The following PSMD6 variants were observed in gnomAD, a reference collection of about 807,000 sequenced individuals.
PSMD6 encodes the protein 26S proteasome non-ATPase regulatory subunit 6.
PSMD6 carries 7 observed loss-of-function variants against 44.9 expected under a neutral mutation model. The observed-to-expected ratio is 0.16, with a 90% CI of 0.09 to 0.29. PSMD6 has a LOEUF of 0.29. Ranked by LOEUF, PSMD6 falls within the 10% of genes least tolerant of loss-of-function variation. The probability of loss-of-function intolerance (pLI) is 1.00; values close to 1 mark genes in which losing one functional copy is unlikely to be tolerated. For missense variants in PSMD6, 420 were observed against 482.6 expected (o/e 0.87, Z 1.21); for synonymous variants, 184 against 172.7 (o/e 1.07, Z -0.51).
intron 6 of PSMD6, chr3:64,011,168 CAGATAGATAGAAAGTAGATCAA>C: frequency 2.3e-6 from 1 of 426,940 alleles, no homozygotes; most frequent in Non-Finnish European, 4.1e-6. Flanking sequence ...AGTTCATATT[CAGATAGATAGAAAGTAGATCAA>C]ACAATGAAAC....
At chr3:64,011,104 C>G (rs2075935544) in intron 6 of PSMD6, 149 bp from the exon 7 acceptor site, 1 of 604,570 alleles carries the variant, frequency 1.7e-6, no homozygotes, top group East Asian at 2.8e-5. Context: ...GACGTTGTCC[C>G]TCCTATACTG....
chr3:64,021,806 C>T (rs1200639309), intron 2 of PSMD6, among the ~76,000 whole-genome samples: 1 of 143,068 alleles, frequency 7.0e-6, no homozygotes, highest in African/African-American at 2.6e-5. Flanking sequence ...AGTGAAACTC[C>T]GTCTCAAAAA....
Position 64,023,423 on chromosome 3 carries a change from G to A in PSMD6, c.-4C>T, listed in dbSNP as rs1302825190. On this transcript the variant is annotated 5_prime_UTR_variant, in exon 1 of 8. Transcript: ENST00000295901. ...CCTCCAGGTTCTCCAGCGGCATCGC[G>A]GCGAAGGGGACAGCGGCTGACAGGA... The A allele has an allele frequency of 2.5e-6, 4 of 1,596,586 alleles. No individual in the cohort carries two copies. The highest frequency in any genetic ancestry group is 2.2e-5 in the South Asian group (2 of 90,130).
At chr3:64,023,651 T>G (rs1009922532), upstream of PSMD6, 1 of 1,445,920 alleles carries the variant, frequency 6.9e-7, no homozygotes, top group Non-Finnish European at 9.1e-7. Flanking sequence ...CCCTGCGGAG[T>G]CCCAGAGTGG....
At chr3:64,014,246 ACAAATATAAATTATTTT>A (rs2076009341) in intron 5 of PSMD6, 2 of 152,304 alleles carry the variant, frequency 1.3e-5, no homozygotes, top group South Asian at 4.1e-4. Flanking sequence ...AGCAATCCAC[ACAAATATAAATTATTTT>A]ACTGAATAAC....
chr3:64,017,804 A>G (rs984367486), intron 5 of PSMD6: 1 of 152,228 alleles, frequency 6.6e-6, no homozygotes, highest in Non-Finnish European at 1.5e-5. Context: ...AAAGCTATCT[A>G]TTTAACCAAA....
chr3:64,016,678 G>A (rs1163932652), intron 5 of PSMD6: 1 of 152,134 alleles, frequency 6.6e-6, no homozygotes, highest in Admixed American at 6.6e-5. Context: ...CAAAAAGACA[G>A]AAAATAGTAA....
At chr3:64,023,708 C>T, upstream of PSMD6, 1 of 1,482,254 alleles carries the variant, frequency 6.7e-7, no homozygotes, top group East Asian at 2.5e-5. Context: ...CTTTCTCACT[C>T]CCTTTTTAGC....
rs775153084 is a variant in PSMD6 at position 64,023,454 on chromosome 3, C to T, written c.-35G>A. On this transcript the variant is annotated 5_prime_UTR_variant, in exon 1 of 8. Transcript: ENST00000295901. The stretch of plus-strand genomic sequence containing the variant: ...GGGGACAGCGGCTGACAGGACACAA[C>T]TTGGTTACGACCGGCTGCGGCAGCG... The T allele has an allele frequency of 1.3e-6, 2 of 1,553,358 alleles. No homozygotes were observed. Among genetic ancestry groups the T allele is most frequent in the South Asian group, 2.3e-5 (2 of 86,398 alleles).
chr3:64,021,323 T>G (rs1186910074), intron 2 of PSMD6, among the ~76,000 whole-genome samples: 2 of 152,154 alleles, frequency 1.3e-5, no homozygotes, highest in East Asian at 3.8e-4. Context: ...TTTATGTATG[T>G]TGGCATGGAA....
chr3:64,023,484 C>T lies in PSMD6; in HGVS notation c.-65G>A, dbSNP rs1423746007. ...TTACGACCGGCTGCGGCAGCGGAAG[C>T]GGGAGGAGTCGGCGAATACGCCCGG... On this transcript the variant is annotated 5_prime_UTR_variant, in exon 1 of 8. Transcript: ENST00000295901. 9 of 1,483,652 alleles carry T rather than the reference C, an allele frequency of 6.1e-6. No individual in the cohort carries two copies. Among genetic ancestry groups the T allele is most frequent in the Non-Finnish European group, 6.3e-6 (7 of 1,109,956 alleles). 91.9% of individuals were successfully genotyped at this position (1,483,652 alleles called of 1,614,324 possible).
chr3:64,016,215 G>A (rs1354432837), intron 5 of PSMD6: 1 of 151,622 alleles, frequency 6.6e-6, no homozygotes. Context: ...ATAAATAAAA[G>A]GTCTACAAGG....
At chr3:64,017,483 G>A (rs926490567) in intron 5 of PSMD6, 12 of 152,124 alleles carry the variant, frequency 7.9e-5, no homozygotes, top group African/African-American at 2.9e-4. Context: ...AAGCAGGGAA[G>A]GGCTCCATAT....
At position 64,018,705 on chromosome 3, in the gene PSMD6, G is replaced by T; in HGVS notation, c.720C>A (p.Val240=). The T allele has an allele frequency of 6.3e-7, 1 of 1,580,518 alleles. No homozygotes were observed. Among genetic ancestry groups the T allele is most frequent in the South Asian group, 1.1e-5 (1 of 88,426 alleles). The change falls in exon 5 of 8, where the codon GTC becomes GTA. Residue 240 remains valine (V), a splice_region_variant and synonymous_variant. Transcript: ENST00000295901. ...ALERPDLREK[V]IKGAEILEVL... ...CTTCAAGAATCTCTGCTCCTTTAAT[G>T]ACCTAGGTATTTTAAAAAACATATA...
chr3:64,021,418 T>A (rs1319323660), intron 2 of PSMD6, among the ~76,000 whole-genome samples: 3 of 151,930 alleles, frequency 2.0e-5, no homozygotes, highest in South Asian at 4.1e-4. Context: ...AAAAAAAAAA[T>A]TCTGTAGAAT....
intron 6 of PSMD6, chr3:64,013,022 C>T (rs1173094428): frequency 1.3e-5 from 2 of 155,484 alleles, no homozygotes; most frequent in African/African-American, 4.8e-5. Context: ...AAAAGTCCCA[C>T]ATTTAACAAC....
At position 64,019,129 on chromosome 3, in the gene PSMD6, T is replaced by C. The variant is rs545321816; in HGVS notation, c.498-92A>G. ...GTTATTTGAAATGAGAAAACAACTTTTAACAACTTGAACCGAAAGGAGATA... is the reference window on the plus strand; with the variant it reads ...GTTATTTGAAATGAGAAAACAACTTCTAACAACTTGAACCGAAAGGAGATA... On this transcript the variant is annotated intron_variant, in intron 3 of 7. Transcript: ENST00000295901. The C allele has an allele frequency of 1.4e-5, 20 of 1,422,452 alleles. No individual in the cohort carries two copies. The East Asian group carries it at 4.3e-4, about 31-fold the overall frequency. The allele number at this position is 1,422,452 out of a possible 1,614,324, so 88.1% of individuals were successfully genotyped here. A position where few individuals can be genotyped will look rare whatever the true frequency, so the allele number is the denominator to read the frequency against.
chr3:64,014,495 G>A (rs1450385601), intron 5 of PSMD6: 1 of 152,090 alleles, frequency 6.6e-6, no homozygotes, highest in Non-Finnish European at 1.5e-5. Flanking sequence ...TAAGCACAGA[G>A]CAATGTAAAT....
chr3:64,022,556 G>A, intron 1 of PSMD6, 33 bp from the exon 2 acceptor site: 1 of 1,610,774 alleles, frequency 6.2e-7, no homozygotes, highest in Non-Finnish European at 8.5e-7. Context: ...TGTGAGTGGG[G>A]ACACTTGTGC....
Sources: allele counts gnomAD v4.1 joint callset (sites outside exome capture counted in the v4.1 genomes callset), GRCh38; gene constraint gnomAD v4.1.1; transcripts MANE v1.5; gene names NCBI Gene and HGNC (gene_info 2026-07-23, HGNC 2026-07-21).